COX10: variants seen among roughly 807,000 people sequenced by gnomAD.
The protein encoded by COX10 is cytochrome c oxidase assembly factor heme A:farnesyltransferase COX10, also known as protoheme IX farnesyltransferase, mitochondrial.
In COX10, 27 loss-of-function variants were observed where a neutral mutation model predicts 37.3. That is an observed-to-expected ratio of 0.72 (90% CI 0.53 to 1.00). COX10 has a LOEUF of 1.00. Ranked by LOEUF, COX10 falls within the 50% of genes least tolerant of loss-of-function variation. The pLI is 0.00. For synonymous variants in COX10, 222 were observed against 229.1 expected (o/e 0.97, Z 0.28); for missense variants, 475 against 563.2 (o/e 0.84, Z 1.59).
At chr17:14,157,147 A>C (rs541546135) in intron 4 of COX10, among the ~76,000 whole-genome samples, 1 of 152,364 alleles carries the variant, frequency 6.6e-6, no homozygotes, top group South Asian at 2.1e-4. Context: ...AAGGAGATAT[A>C]AAAAGACAGT....
Position 14,146,941 on chromosome 17 carries a change from G to A in COX10, c.625-12936G>A, listed in dbSNP as rs895064895. Reference sequence around the variant, plus strand: ...GAGAAATGCAAATCAAAACTACAATGAGATATCATCTCACCCCAGTTAAAA... The same window carrying A: ...GAGAAATGCAAATCAAAACTACAATAAGATATCATCTCACCCCAGTTAAAA... On this transcript the variant is annotated intron_variant, in intron 4 of 6. Coordinates refer to ENST00000261643, the MANE Select transcript of COX10 (RefSeq NM_001303.4). 8.5e-5 allele frequency among the ~76,000 whole-genome samples: 13 copies of A among 152,116 alleles called. No individual in the cohort carries two copies. In the East Asian group the frequency reaches 2.3e-3, roughly 27 times the overall value.
intron 4 of COX10, among the ~76,000 whole-genome samples, chr17:14,130,767 C>T (rs1916446045): frequency 1.3e-5 from 2 of 152,008 alleles, no homozygotes; most frequent in African/African-American, 4.8e-5. Flanking sequence ...TTTGTTGTCT[C>T]TCCTTTGCTT....
At chr17:14,167,676 A>T (rs569722036) in intron 5 of COX10, among the ~76,000 whole-genome samples, 1 of 152,346 alleles carries the variant, frequency 6.6e-6, no homozygotes, top group South Asian at 2.1e-4. Context: ...ACCTTCCTAC[A>T]TGGTAGCAGG....
At chr17:14,196,289 A>G (rs1906364610) in intron 6 of COX10, among the ~76,000 whole-genome samples, 1 of 152,218 alleles carries the variant, frequency 6.6e-6, no homozygotes, top group African/African-American at 2.4e-5. Flanking sequence ...AGAGGCAGGC[A>G]GGTAATCAAA....
At chr17:14,128,601 T>C (rs1042834088) in intron 4 of COX10, among the ~76,000 whole-genome samples, 5 of 152,064 alleles carry the variant, frequency 3.3e-5, no homozygotes, top group Non-Finnish European at 7.4e-5. Context: ...ATTCCATAGG[T>C]TTTTTACACA....
chr17:14,125,451 T>C (rs1916321833), intron 4 of COX10, among the ~76,000 whole-genome samples: 1 of 152,206 alleles, frequency 6.6e-6, no homozygotes, highest in Non-Finnish European at 1.5e-5. Flanking sequence ...AAATAAATTT[T>C]TACTTTAATA....
intron 4 of COX10, among the ~76,000 whole-genome samples, chr17:14,104,741 A>T (rs1044756142): frequency 6.6e-6 from 1 of 152,110 alleles, no homozygotes; most frequent in Non-Finnish European, 1.5e-5. Context: ...AGAAAAAATA[A>T]AGCTTTGGAA....
chr17:14,133,277 A>G (rs1029492775), intron 4 of COX10, among the ~76,000 whole-genome samples: 1 of 151,752 alleles, frequency 6.6e-6, no homozygotes, highest in Non-Finnish European at 1.5e-5. Context: ...TTCATGAGTC[A>G]TACAATAAAG....
At chr17:14,202,797 TTGATTTCCAGA>T (rs1391944253) in intron 6 of COX10, among the ~76,000 whole-genome samples, 2 of 150,040 alleles carry the variant, frequency 1.3e-5, no homozygotes, top group African/African-American at 4.9e-5. Flanking sequence ...ACTCCTTATC[TTGATTTCCAGA>T]TGCCTTCCCA....
In COX10 at chr17:14,096,130, C is replaced by A. The variant is rs528794313; in HGVS notation, c.500-5988C>A. On this transcript the variant is annotated intron_variant, in intron 3 of 6. Coordinates refer to ENST00000261643, the MANE Select transcript of COX10 (RefSeq NM_001303.4). ...TGTGCTAGCCCAGGTCTGTCTTCCT[C>A]TTCTTATAAAGCCACCAGTCCCACT... Among the ~76,000 whole-genome samples the A allele has an allele frequency of 7.2e-5, 11 of 152,170 alleles. No individual in the cohort carries two copies. In the South Asian group the frequency reaches 2.3e-3, roughly 32 times the overall value.
At chr17:14,074,535 A>C in intron 2 of COX10, 79 bp downstream of exon 2, 1 of 1,359,850 alleles carries the variant, frequency 7.4e-7, no homozygotes, top group Non-Finnish European at 1.1e-6. Context: ...TTCCTATTTA[A>C]TTAAAGTTTT....
chr17:14,146,446 T>A (rs1196360951), intron 4 of COX10, among the ~76,000 whole-genome samples: 1 of 152,066 alleles, frequency 6.6e-6, no homozygotes, highest in Admixed American at 6.6e-5. Context: ...GTATTTATAT[T>A]CAGAAGAATG....
chr17:14,146,646 C>T (rs1904728626), intron 4 of COX10, among the ~76,000 whole-genome samples: 1 of 152,086 alleles, frequency 6.6e-6, no homozygotes, highest in South Asian at 2.1e-4. Flanking sequence ...AATGGGATCA[C>T]ATCAAGTTAA....
intron 5 of COX10, among the ~76,000 whole-genome samples, chr17:14,180,149 A>G (rs1257557388): frequency 2.0e-5 from 3 of 151,586 alleles, no homozygotes; most frequent in Non-Finnish European, 3.0e-5. Context: ...ACCCAGGCAC[A>G]CTAGTCTAGC....
chr17:14,146,919 A>C (rs941899872), intron 4 of COX10, among the ~76,000 whole-genome samples: 1 of 152,178 alleles, frequency 6.6e-6, no homozygotes, highest in Non-Finnish European at 1.5e-5. Context: ...ATTATCAGAG[A>C]AATGCAAATC....
intron 6 of COX10, among the ~76,000 whole-genome samples, chr17:14,196,710 G>A (rs1906377012): frequency 6.6e-6 from 1 of 152,152 alleles, no homozygotes. Flanking sequence ...AAGCCTGTGT[G>A]CCTCCTCTCA....
intron 6 of COX10, among the ~76,000 whole-genome samples, chr17:14,199,412 C>T (rs1264924920): frequency 2.0e-5 from 3 of 152,218 alleles, no homozygotes; most frequent in East Asian, 1.9e-4. Context: ...AGAGAATTCA[C>T]AGGTGCTTGA....
chr17:14,128,810 C>T (rs1027822332), intron 4 of COX10, among the ~76,000 whole-genome samples: 2 of 152,136 alleles, frequency 1.3e-5, no homozygotes, highest in East Asian at 1.9e-4. Flanking sequence ...GAGCATATCT[C>T]AAGGCACGTT....
chr17:14,107,975 C>G (rs1361898928), intron 4 of COX10, among the ~76,000 whole-genome samples: 1 of 152,084 alleles, frequency 6.6e-6, no homozygotes, highest in Non-Finnish European at 1.5e-5. Flanking sequence ...GTTCTTTTTT[C>G]TTTCATATGA....
Sources: allele counts gnomAD v4.1 joint callset (sites outside exome capture counted in the v4.1 genomes callset), GRCh38; gene constraint gnomAD v4.1.1; transcripts MANE v1.5; gene names NCBI Gene and HGNC (gene_info 2026-07-23, HGNC 2026-07-21).